The following STARD9 variants were observed in gnomAD, a reference collection of about 807,000 sequenced individuals.
The protein encoded by STARD9 is stAR-related lipid transfer protein 9.
Under a neutral mutation model 399.8 loss-of-function variants are expected in STARD9, and 346 were observed. The ratio of observed to expected loss-of-function variants is 0.87; its 90% CI spans 0.79 to 0.95. STARD9 has a LOEUF of 0.95. Ranked by LOEUF, STARD9 falls within the 40% of genes least tolerant of loss-of-function variation. The probability of loss-of-function intolerance (pLI) is 0.00; values close to 1 mark genes in which losing one functional copy is unlikely to be tolerated. For missense variants in STARD9, 5,832 were observed against 5,667.5 expected (o/e 1.03, Z -0.93); for synonymous variants, 2,203 against 2,143.5 (o/e 1.03, Z -0.77).
At chr15:42,620,525 C>G (rs972408527) in intron 3 of STARD9, among the ~76,000 whole-genome samples, 1 of 152,042 alleles carries the variant, frequency 6.6e-6, no homozygotes, top group African/African-American at 2.4e-5. Context: ...TTGCTGCCAT[C>G]TAATCCTTAG....
intron 26 of STARD9, among the ~76,000 whole-genome samples, chr15:42,697,233 T>G (rs2060864856): frequency 6.6e-6 from 1 of 152,158 alleles, no homozygotes; most frequent in Non-Finnish European, 1.5e-5. Flanking sequence ...CTTTGGGATA[T>G]CATTGCATAT....
intron 1 of STARD9, among the ~76,000 whole-genome samples, chr15:42,576,346 G>A (rs950690727): frequency 2.6e-5 from 4 of 152,132 alleles, no homozygotes; most frequent in African/African-American, 9.7e-5. Flanking sequence ...CTCAGTGCCC[G>A]TTTTCTCGTG....
chr15:42,611,598 C>A (rs1434965671), intron 3 of STARD9, among the ~76,000 whole-genome samples: 4 of 152,210 alleles, frequency 2.6e-5, no homozygotes, highest in Non-Finnish European at 5.9e-5. Flanking sequence ...TATACTGCCA[C>A]CCTCATTGTC....
intron 5 of STARD9, 34 bp downstream of exon 5, chr15:42,637,973 G>T: frequency 6.5e-7 from 1 of 1,537,254 alleles, no homozygotes; most frequent in South Asian, 1.2e-5. Flanking sequence ...TCCTCTCAAA[G>T]TAGGTCTCTC....
At position 42,592,141 on chromosome 15, in the gene STARD9, A is replaced by T. The variant is rs139977201; in HGVS notation, c.234+6504A>T. On this transcript the variant is annotated intron_variant, in intron 3 of 32. Transcript: ENST00000290607. ...AATACCCTAAAAGGTAGAGGATTTT[A>T]TCCCCCTTTTATAGTGGAGGAAATT... is the stretch of plus-strand genomic sequence containing the variant. 1.6e-4 allele frequency among the ~76,000 whole-genome samples: 24 copies of T among 152,346 alleles called. 1 individual carries two copies. In the East Asian group the frequency reaches 4.4e-3, roughly 28 times the overall value.
intron 26 of STARD9, among the ~76,000 whole-genome samples, chr15:42,702,759 A>G (rs994343459): frequency 2.0e-5 from 3 of 152,152 alleles, no homozygotes; most frequent in Non-Finnish European, 2.9e-5. Flanking sequence ...TTGTCTGGGA[A>G]AGTCTTTCCT....
chr15:42,575,735 C>T lies in STARD9; in HGVS notation c.20C>T (p.Ala7Val). 1 of 1,536,648 alleles carries T rather than the reference C, an allele frequency of 6.5e-7. No individual in the cohort carries two copies. The highest frequency in any genetic ancestry group is 8.7e-7 in the Non-Finnish European group (1 of 1,146,798). The change falls in exon 1 of 33, where the codon GCC (alanine) becomes GTC (valine). Residue 7 changes from alanine (A) to valine (V), a missense_variant. Ala to Val is a moderately conservative substitution (Grantham distance 64). Transcript: ENST00000290607. MANVQV[A>V]VRVRPLSKRE... ...AGACGGATGGCGAACGTGCAGGTCG[C>T]CGTGCGGGTCCGGCCGCTCAGCAAG... is the stretch of plus-strand genomic sequence containing the variant.
chr15:42,575,765 G>A lies in STARD9; in HGVS notation c.47+3G>A. 1 of 1,536,990 alleles carries A rather than the reference G, an allele frequency of 6.5e-7. No homozygotes were observed. The highest frequency in any genetic ancestry group is 8.7e-7 in the Non-Finnish European group (1 of 1,146,820). ...CGGGTCCGGCCGCTCAGCAAGAGGT[G>A]AGTCTCCGCGGGAGAGGGCGCCTGA... is the stretch of plus-strand genomic sequence containing the variant. On this transcript the variant is annotated splice_donor_region_variant and intron_variant, in intron 1 of 32. Transcript: ENST00000290607.
intron 26 of STARD9, among the ~76,000 whole-genome samples, chr15:42,702,242 C>T (rs932137649): frequency 5.9e-5 from 9 of 152,076 alleles, no homozygotes; most frequent in Non-Finnish European, 8.8e-5. Context: ...CTTGCTCTGT[C>T]GCCCAAGCTG....
chr15:42,588,682 C>T (rs1273750265), intron 3 of STARD9, among the ~76,000 whole-genome samples: 1 of 151,296 alleles, frequency 6.6e-6, no homozygotes, highest in Non-Finnish European at 1.5e-5. Context: ...GCTCTGAGGC[C>T]ACCACGGACG....
chr15:42,643,267 G>A (rs1225178629), intron 7 of STARD9, among the ~76,000 whole-genome samples: 1 of 151,754 alleles, frequency 6.6e-6, no homozygotes, highest in Non-Finnish European at 1.5e-5. Flanking sequence ...TAGGATCTCA[G>A]CTCACTGCAA....
At chr15:42,648,296 G>A (rs1224253691) in intron 7 of STARD9, among the ~76,000 whole-genome samples, 3 of 152,112 alleles carry the variant, frequency 2.0e-5, no homozygotes, top group African/African-American at 7.2e-5. Context: ...CCGAGTAGCT[G>A]GGATTACAGG....
chr15:42,631,624 A>G (rs1361241476), intron 3 of STARD9, among the ~76,000 whole-genome samples: 1 of 151,786 alleles, frequency 6.6e-6, no homozygotes. Flanking sequence ...TATTTTGTTC[A>G]GTGGCCTAGT....
chr15:42,598,221 C>T (rs946870337), intron 3 of STARD9, among the ~76,000 whole-genome samples: 8 of 150,142 alleles, frequency 5.3e-5, no homozygotes, highest in African/African-American at 1.7e-4. Flanking sequence ...TTAGTAGAGA[C>T]GGGGTTTCAC....
At position 42,689,198 on chromosome 15, in the gene STARD9, G is replaced by A. The variant is rs890849693; in HGVS notation, c.7620G>A (p.Glu2540=). 9.8e-6 allele frequency: 15 copies of A among 1,537,156 alleles called. No homozygotes were observed. Among genetic ancestry groups the A allele is most frequent in the Non-Finnish European group, 1.2e-5 (14 of 1,146,938 alleles). The part of the protein sequence containing the change: ...RVPSPEPRLL[E]PSDHASMCLA... ...CCAGTCCAGAGCCTAGGCTGTTGGAGCCCTCTGACCATGCATCCATGTGCC... is the reference window on the plus strand; with the variant it reads ...CCAGTCCAGAGCCTAGGCTGTTGGAACCCTCTGACCATGCATCCATGTGCC... The change falls in exon 23 of 33, where the codon GAG becomes GAA. Residue 2540 remains glutamate (E), a synonymous_variant. Transcript: ENST00000290607.
In STARD9 at chr15:42,689,944, T is replaced by C. The variant is rs912507514; in HGVS notation, c.8366T>C (p.Leu2789Pro). 1.3e-5 allele frequency: 20 copies of C among 1,537,686 alleles called. No homozygotes were observed. Among genetic ancestry groups the C allele is most frequent in the Non-Finnish European group, 1.7e-5 (20 of 1,147,016 alleles). ...CCAGAGCATCAGGAACCCAGAACTC[T>C]AGACACCACATATGGAGAAGTTTCA... Reference protein sequence around the residue: ...SSPEHQEPRTLDTTYGEVSDN... With the variant: ...SSPEHQEPRTPDTTYGEVSDN... The change falls in exon 23 of 33, where the codon CTA (leucine) becomes CCA (proline). Residue 2789 changes from leucine to proline, a missense_variant. By Grantham distance (98) the Leu-to-Pro change is moderately conservative (BLOSUM62 -3). Around this residue, in one of 2 missense-constraint regions of STARD9, gnomAD observed 5,828 missense variants for 5,651.1 expected, o/e 1.03. Transcript: ENST00000290607.
chr15:42,716,701 A>C lies in STARD9; in HGVS notation c.13309A>C (p.Arg4437=), dbSNP rs1354123808. 3 of 1,536,626 alleles carry C rather than the reference A, an allele frequency of 2.0e-6. No homozygotes were observed. The highest frequency in any genetic ancestry group is 2.6e-6 in the Non-Finnish European group (3 of 1,146,492). Residue 4437 remains arginine, a synonymous_variant, in exon 27 of 33, where the codon AGG becomes CGG. Coordinates refer to ENST00000290607, the MANE Select transcript of STARD9 (RefSeq NM_020759.3). ...GGGGCATACAAACTTGCCTGATTCC[A>C]GGGATGTATGGATAGGGGATGAGCG... is the stretch of plus-strand genomic sequence containing the variant. The part of the protein sequence containing the change: ...NMGHTNLPDS[R]DVWIGDERGG...
chr15:42,674,794 C>T (rs2060275639), intron 17 of STARD9, 33 bp from the exon 18 acceptor site: 1 of 1,497,018 alleles, frequency 6.7e-7, no homozygotes, highest in Admixed American at 2.2e-5. Context: ...CTGCATCGTC[C>T]TCCCACCCAA....
intron 3 of STARD9, among the ~76,000 whole-genome samples, chr15:42,612,624 G>T (rs2058872960): frequency 6.6e-6 from 1 of 152,184 alleles, no homozygotes; most frequent in African/African-American, 2.4e-5. Context: ...GAATTTATCA[G>T]ATCTCACATG....
Sources: gnomAD v4.1 joint callset for allele counts (sites outside exome capture counted in the v4.1 genomes callset) on GRCh38, gnomAD v4.1.1 for gene constraint, gnomAD v4.1.1 regional missense constraint, MANE v1.5 for transcripts, NCBI Gene and HGNC (gene_info 2026-07-23, HGNC 2026-07-21) for gene names.